ANKRD42: variants seen among roughly 807,000 people sequenced by gnomAD.
ANKRD42 encodes the protein ankyrin repeat domain-containing protein 42.
A neutral mutation model predicts 51.5 loss-of-function variants in ANKRD42; 43 were observed. That is an observed-to-expected ratio of 0.83 (90% confidence interval 0.65 to 1.08). ANKRD42 has a LOEUF of 1.08. Among genes scored for constraint, ANKRD42 ranks in the 50% least tolerant of loss-of-function variants. ANKRD42 has a pLI of 0.00. For missense variants in ANKRD42, 608 were observed against 629.3 expected, an observed-to-expected ratio of 0.97 and a Z score of 0.36; for synonymous variants, 203 against 213.0, an observed-to-expected ratio of 0.95 and a Z score of 0.41.
At chr11:83,251,383 A>T (rs1261820052), downstream of ANKRD42, among the ~76,000 whole-genome samples, 2 of 152,164 alleles carry the variant, frequency 1.3e-5, no homozygotes, top group Admixed American at 1.3e-4. Context: ...AGATCACTTA[A>T]CTTATGTTAA....
At chr11:83,241,352 A>C (rs1863381813) in intron 9 of ANKRD42, among the ~76,000 whole-genome samples, 1 of 152,186 alleles carries the variant, frequency 6.6e-6, no homozygotes, top group Admixed American at 6.5e-5. Flanking sequence ...ACTTCATTCG[A>C]ATGGTGGTAG....
intron 7 of ANKRD42, among the ~76,000 whole-genome samples, chr11:83,228,231 CTTTTTTTTTTT>C (rs11403803): frequency 0.024 from 1,434 of 58,950 alleles, 198 homozygotes; most frequent in African/African-American, 0.085. Context: ...CTCTCTCTCT[CTTTTTTTTTTT>C]TTTTTTTTTT....
chr11:83,242,810 G>A (rs954468524), intron 9 of ANKRD42, among the ~76,000 whole-genome samples: 6 of 151,930 alleles, frequency 3.9e-5, no homozygotes, highest in South Asian at 2.1e-4. Flanking sequence ...TGATCCACCC[G>A]TCTTGGCCTC....
chr11:83,223,945 CTTT>C (rs201525854), intron 5 of ANKRD42, among the ~76,000 whole-genome samples: 8 of 135,684 alleles, frequency 5.9e-5, no homozygotes, highest in Admixed American at 7.5e-5. Flanking sequence ...AGATTCATTC[CTTT>C]TTTTTTTTTT....
At chr11:83,225,475 G>A (rs1366828131) in intron 6 of ANKRD42, among the ~76,000 whole-genome samples, 1 of 151,800 alleles carries the variant, frequency 6.6e-6, no homozygotes, top group Admixed American at 6.6e-5. Flanking sequence ...CGAGGTGGGA[G>A]GATGGATTGA....
chr11:83,263,471 T>C (rs1161176094), downstream of ANKRD42, among the ~76,000 whole-genome samples: 1 of 152,232 alleles, frequency 6.6e-6, no homozygotes, highest in East Asian at 1.9e-4. Flanking sequence ...TCTACATATA[T>C]GTAAAATGCT....
intron 5 of ANKRD42, among the ~76,000 whole-genome samples, chr11:83,219,166 C>G (rs957472452): frequency 1.3e-5 from 2 of 152,208 alleles, no homozygotes; most frequent in Non-Finnish European, 2.9e-5. Flanking sequence ...AAGGCATCCC[C>G]TAAGGGTCAG....
rs1372925327 is a variant in ANKRD42 at position 83,194,359 on chromosome 11, G to C, written c.-312G>C. The C allele has an allele frequency of 5.1e-6, 3 of 593,008 alleles. No individual in the cohort carries two copies. The African/African-American group carries it at 5.5e-5, about 11-fold the overall frequency. The allele number at this position is 593,008 out of a possible 1,614,324, so 36.7% of individuals were successfully genotyped here. On this transcript the variant is annotated 5_prime_UTR_variant, in exon 1 of 11. Transcript: ENST00000533342. ...CTGGGAGGGAGGGAGTGTCGAAGGC[G>C]GCCACAGCGTTGGTAGTTCTTGGGA...
At position 83,227,873 on chromosome 11, in the gene ANKRD42, G is replaced by A; in HGVS notation, c.913+1G>A. The A allele has an allele frequency of 1.9e-6, 3 of 1,599,378 alleles. No individual in the cohort carries two copies. The highest frequency in any genetic ancestry group is 2.6e-6 in the Non-Finnish European group (3 of 1,175,424). On this transcript the variant is annotated splice_donor_variant, in intron 7 of 10. Coordinates refer to ENST00000533342, the MANE Select transcript of ANKRD42 (RefSeq NM_001300975.2). LOFTEE classifies it high-confidence loss of function. ...AATGGATCAACTCCTATGCATAAAG[G>A]TGAGTTATGATTCCTCCTTTCAGTT...
At chr11:83,258,905 G>T (rs1863821387), downstream of ANKRD42, among the ~76,000 whole-genome samples, 1 of 136,942 alleles carries the variant, frequency 7.3e-6, no homozygotes, top group Non-Finnish European at 1.6e-5. Flanking sequence ...AAGCAGTATG[G>T]ATAGGCAGGT....
chr11:83,233,017 A>G (rs935129746), intron 7 of ANKRD42, among the ~76,000 whole-genome samples: 6 of 152,168 alleles, frequency 3.9e-5, no homozygotes, highest in Non-Finnish European at 8.8e-5. Flanking sequence ...ATGAATATTC[A>G]TCAGAGATAT....
At chr11:83,231,574 ATG>A (rs1349232155) in intron 7 of ANKRD42, among the ~76,000 whole-genome samples, 7 of 152,044 alleles carry the variant, frequency 4.6e-5, no homozygotes, top group Admixed American at 4.6e-4. Context: ...CCATTTGTCC[ATG>A]TTTGCTTTGG....
intron 3 of ANKRD42, among the ~76,000 whole-genome samples, chr11:83,208,219 G>T (rs494827): frequency 0.28 from 42,668 of 151,526 alleles, 6,859 homozygotes; most frequent in East Asian, 0.57. Context: ...CTGTGGGAGG[G>T]GGGGGTCTCC....
chr11:83,207,943 T>G (rs918801228), intron 3 of ANKRD42, among the ~76,000 whole-genome samples: 2 of 152,180 alleles, frequency 1.3e-5, no homozygotes, highest in African/African-American at 4.8e-5. Context: ...TAATGAAGAT[T>G]TTGGATTCAT....
rs1460623731 is a variant in ANKRD42, at chr11:83,194,169, T to C, written c.-502T>C. On this transcript the variant is annotated 5_prime_UTR_variant, in exon 1 of 11. Transcript: ENST00000533342. Reference sequence around the variant, plus strand: ...TCTGCAGCAGCGACGTGAATTTTAGTGAAGTTGGAGGCCACCAAACTACCG... The same window carrying C: ...TCTGCAGCAGCGACGTGAATTTTAGCGAAGTTGGAGGCCACCAAACTACCG... 1 of 457,146 alleles carries C rather than the reference T, an allele frequency of 2.2e-6. No individual in the cohort carries two copies. Among genetic ancestry groups the C allele is most frequent in the Non-Finnish European group, 4.4e-6 (1 of 227,418 alleles). The allele number at this position is 457,146 out of a possible 1,614,324, so 28.3% of individuals were successfully genotyped here.
At chr11:83,205,888 A>G (rs577476783) in intron 2 of ANKRD42, among the ~76,000 whole-genome samples, 170 bp from the exon 3 acceptor site, 2 of 152,354 alleles carry the variant, frequency 1.3e-5, no homozygotes, top group Non-Finnish European at 2.9e-5. Context: ...TTTACCCAGC[A>G]GTGAGGCCAA....
downstream of ANKRD42, among the ~76,000 whole-genome samples, chr11:83,258,075 G>A (rs940559015): frequency 2.0e-5 from 3 of 152,158 alleles, no homozygotes; most frequent in Non-Finnish European, 2.9e-5. Flanking sequence ...GTGGTGGTGA[G>A]TCAGCCACTG....
chr11:83,213,622 G>A, intron 5 of ANKRD42: 6 of 978,498 alleles, frequency 6.1e-6, no homozygotes, highest in Non-Finnish European at 5.2e-6. Flanking sequence ...CATTTTTCCT[G>A]ATGACTAAAG....
rs753036830 is a variant in ANKRD42, at chr11:83,227,815, G to A, written c.856G>A (p.Asp286Asn). The stretch of plus-strand genomic sequence containing the variant: ...GGGGATGCTTAAGAAATTAGTGGAA[G>A]ATGGAGTAATCAATATTAATGAGCG... The part of the protein sequence containing the change: ...DLGMLKKLVE[D>N]GVININERAD... Residue 286 changes from aspartate to asparagine, a missense_variant, in exon 7 of 11, where the codon GAT becomes AAT. Asp to Asn is a conservative substitution (Grantham distance 23). Transcript: ENST00000533342. 2 of 1,613,442 alleles carry A rather than the reference G, an allele frequency of 1.2e-6. No individual in the cohort carries two copies. Among genetic ancestry groups the A allele is most frequent in the Non-Finnish European group, 1.7e-6 (2 of 1,179,816 alleles).
Sources: allele counts gnomAD v4.1 joint callset (sites outside exome capture counted in the v4.1 genomes callset), GRCh38; gene constraint gnomAD v4.1.1; transcripts MANE v1.5; gene names NCBI Gene and HGNC (gene_info 2026-07-23, HGNC 2026-07-21).